CTNNA2: variants seen among roughly 807,000 people sequenced by gnomAD.
CTNNA2 encodes the protein catenin alpha-2.
Under a neutral mutation model 101.0 loss-of-function variants are expected in CTNNA2, and 42 were observed. The ratio of observed to expected loss-of-function variants is 0.42; its 90% CI spans 0.32 to 0.54. CTNNA2 has a LOEUF of 0.54. Among genes scored for constraint, CTNNA2 ranks in the 20% least tolerant of loss-of-function variants. The pLI is 0.14. For synonymous variants in CTNNA2, 450 were observed against 456.4 expected, an observed-to-expected ratio of 0.99 and a Z score of 0.18; for missense variants, 871 against 1,223.1, an observed-to-expected ratio of 0.71 and a Z score of 4.29.
intron 7 of CTNNA2, among the ~76,000 whole-genome samples, chr2:80,349,464 G>C (rs188624107): frequency 1.3e-5 from 2 of 152,106 alleles, no homozygotes; most frequent in Non-Finnish European, 2.9e-5. Flanking sequence ...GATCCTGGTA[G>C]GGGAGTTCTG....
At chr2:79,953,449 T>G (rs1371503078) in intron 7 of CTNNA2, among the ~76,000 whole-genome samples, 1 of 152,158 alleles carries the variant, frequency 6.6e-6, no homozygotes, top group Non-Finnish European at 1.5e-5. Flanking sequence ...TCCCCCACTT[T>G]CCCTCTCCTT....
chr2:79,452,463 G>A (rs758554904), intron 4 of CTNNA2, among the ~76,000 whole-genome samples: 13 of 151,854 alleles, frequency 8.6e-5, no homozygotes, highest in East Asian at 1.9e-4. Flanking sequence ...AAATATAACC[G>A]TGGCGCATAA....
At chr2:80,447,779 A>T (rs143627870) in intron 9 of CTNNA2, among the ~76,000 whole-genome samples, 13 of 151,846 alleles carry the variant, frequency 8.6e-5, no homozygotes, top group Non-Finnish European at 1.8e-4. Context: ...TCTTTAGTTC[A>T]CCCTTAGAAA....
At chr2:79,373,025 G>T (rs1002196844) in intron 3 of CTNNA2, among the ~76,000 whole-genome samples, 2 of 152,052 alleles carry the variant, frequency 1.3e-5, no homozygotes, top group African/African-American at 2.4e-5. Flanking sequence ...AGATAATAAG[G>T]TGAATAAAAA....
rs70940037 is a variant in CTNNA2 at position 79,536,686 on chromosome 2, TTTTTCTTTTC to T, written c.-6+23498_-6+23507del. Among the ~76,000 whole-genome samples the T allele has an allele frequency of 3.4e-3, 471 of 140,026 alleles. 11 individuals are homozygous for T. In the East Asian group the frequency reaches 0.068, roughly 20 times the overall value. The allele number at this position is 140,026 out of a possible 152,430, so 91.9% of individuals were successfully genotyped here. ...GTCGTCACTTTCACCATGGATTTTT[TTTTTCTTTTC>T]TTTTCTTTTCTTTTCTTTGGAGAAG... On this transcript the variant is annotated intron_variant, in intron 1 of 18. Transcript: ENST00000402739.
At chr2:80,434,485 C>CTTTTTTTTTTTTTTTTT (rs1169944635) in intron 9 of CTNNA2, among the ~76,000 whole-genome samples, 2 of 89,992 alleles carry the variant, frequency 2.2e-5, no homozygotes, top group East Asian at 4.4e-4. Context: ...TTCTGTGTCT[C>CTTTTTTTTTTTTTTTTT]TTTTTTTTTT....
At chr2:79,204,673 T>C (rs1172689549) in intron 2 of CTNNA2, among the ~76,000 whole-genome samples, 4 of 152,190 alleles carry the variant, frequency 2.6e-5, no homozygotes, top group Non-Finnish European at 5.9e-5. Context: ...TTATGTCTCA[T>C]AGTTCTGGAG....
In CTNNA2 at chr2:79,768,779, G is replaced by A. The variant is rs577003874; in HGVS notation, c.298+24197G>A. Among the ~76,000 whole-genome samples the A allele has an allele frequency of 5.3e-5, 8 of 152,068 alleles. No individual in the cohort carries two copies. In the South Asian group the frequency reaches 8.3e-4, roughly 16 times the overall value. On this transcript the variant is annotated intron_variant, in intron 3 of 18. Coordinates refer to ENST00000402739, the MANE Select transcript of CTNNA2 (RefSeq NM_001282597.3). ...GGCTTCATCTCCCTCCCTAACACAC[G>A]CCAACTCTCTCATACCGTGTAGCCA...
At chr2:79,734,518 T>C (rs547531398) in intron 2 of CTNNA2, among the ~76,000 whole-genome samples, 2 of 152,128 alleles carry the variant, frequency 1.3e-5, no homozygotes, top group South Asian at 2.1e-4. Context: ...GGTAAAAATG[T>C]ATACCTTAGA....
intron 7 of CTNNA2, among the ~76,000 whole-genome samples, chr2:79,973,426 A>T (rs1690626794): frequency 6.6e-6 from 1 of 152,196 alleles, no homozygotes; most frequent in Non-Finnish European, 1.5e-5. Context: ...TATTATTATC[A>T]CTTCCATGTA....
At chr2:79,304,263 C>T (rs1465405320) in intron 2 of CTNNA2, among the ~76,000 whole-genome samples, 1 of 152,034 alleles carries the variant, frequency 6.6e-6, no homozygotes. Flanking sequence ...AAAATGGATG[C>T]CAAGGCAACA....
At chr2:80,218,632 G>A (rs1012910338) in intron 7 of CTNNA2, among the ~76,000 whole-genome samples, 1 of 152,168 alleles carries the variant, frequency 6.6e-6, no homozygotes, top group African/African-American at 2.4e-5. Flanking sequence ...ACTGTAAAAT[G>A]AGAGTAGTCA....
chr2:80,407,494 G>A (rs559314679), intron 8 of CTNNA2, among the ~76,000 whole-genome samples: 4 of 152,268 alleles, frequency 2.6e-5, no homozygotes, highest in South Asian at 2.1e-4. Context: ...TGTATTGACT[G>A]CTTTTGTGCT....
At chr2:79,655,447 T>C (rs1681542604) in intron 2 of CTNNA2, among the ~76,000 whole-genome samples, 1 of 152,184 alleles carries the variant, frequency 6.6e-6, no homozygotes, top group South Asian at 2.1e-4. Context: ...ATTACACTTA[T>C]AGAGCCTTAT....
intron 2 of CTNNA2, among the ~76,000 whole-genome samples, chr2:79,688,648 T>C (rs984873272): frequency 6.6e-6 from 1 of 152,184 alleles, no homozygotes; most frequent in African/African-American, 2.4e-5. Flanking sequence ...TTTATAGCAC[T>C]AGAAAAGTAC....
chr2:79,196,603 G>C (rs529274395), intron 1 of CTNNA2, among the ~76,000 whole-genome samples: 1 of 152,064 alleles, frequency 6.6e-6, no homozygotes, highest in East Asian at 1.9e-4. Flanking sequence ...TTGCCCAGGG[G>C]TACCTTATAC....
intron 1 of CTNNA2, among the ~76,000 whole-genome samples, chr2:79,630,706 GTGTCATTTATGTATCTTTTGCTCCTT>G (rs1186418902): frequency 1.3e-5 from 2 of 152,138 alleles, no homozygotes; most frequent in Admixed American, 6.5e-5. Flanking sequence ...CTGTAACGTG[GTGTCATTTATGTATCTTTTGCTCCTT>G]TGGACATTAG....
At chr2:80,263,250 T>C (rs1195832663) in intron 7 of CTNNA2, among the ~76,000 whole-genome samples, 1 of 152,236 alleles carries the variant, frequency 6.6e-6, no homozygotes, top group African/African-American at 2.4e-5. Flanking sequence ...ATCCACAGAA[T>C]ATTAGATTTT....
chr2:80,336,854 G>C (rs998290180), intron 7 of CTNNA2, among the ~76,000 whole-genome samples: 10 of 152,164 alleles, frequency 6.6e-5, no homozygotes, highest in Admixed American at 2.6e-4. Flanking sequence ...GCAAGATGAA[G>C]TCTCAAAGTC....
Sources: allele counts gnomAD v4.1 joint callset (sites outside exome capture counted in the v4.1 genomes callset), GRCh38; gene constraint gnomAD v4.1.1; transcripts MANE v1.5; gene names NCBI Gene and HGNC (gene_info 2026-07-23, HGNC 2026-07-21).